ADAMTS16: variants seen among roughly 807,000 people sequenced by gnomAD.
ADAMTS16 encodes ADAM metallopeptidase with thrombospondin type 1 motif 16, also known as A disintegrin and metalloproteinase with thrombospondin motifs 16.
ADAMTS16 carries 94 observed loss-of-function variants against 145.8 expected under a neutral mutation model. That is an observed-to-expected ratio of 0.64 (90% CI 0.55 to 0.77). The LOEUF (loss-of-function observed/expected upper bound fraction) is 0.77. Ranked by LOEUF, ADAMTS16 falls within the 30% of genes least tolerant of loss-of-function variation. ADAMTS16 has a pLI of 0.00. For missense variants in ADAMTS16, 1,585 were observed against 1,591.5 expected, an observed-to-expected ratio of 1.00 and a Z score of 0.07; for synonymous variants, 659 against 604.3, an observed-to-expected ratio of 1.09 and a Z score of -1.33.
intron 14 of ADAMTS16, 81 bp from the exon 15 acceptor site, chr5:5,239,070 G>T (rs1025653398): frequency 3.2e-5 from 44 of 1,365,890 alleles, no homozygotes; most frequent in Non-Finnish European, 2.7e-5. Flanking sequence ...TGGGGAGGAG[G>T]TTTCTTGCAT....
At chr5:5,168,933 G>T (rs1356533295) in intron 3 of ADAMTS16, among the ~76,000 whole-genome samples, 2 of 151,112 alleles carry the variant, frequency 1.3e-5, no homozygotes, top group African/African-American at 2.4e-5. Context: ...CTGAGCCCCG[G>T]ATTCCTCTCA....
intron 9 of ADAMTS16, 145 bp from the exon 10 acceptor site, chr5:5,208,948 T>C (rs1736201582): frequency 1.3e-6 from 1 of 749,392 alleles, no homozygotes; most frequent in South Asian, 2.5e-5. Flanking sequence ...AAGTATTATA[T>C]TGTAACTCAG....
At chr5:5,316,481 C>T (rs1734062534) in intron 21 of ADAMTS16, among the ~76,000 whole-genome samples, 1 of 152,202 alleles carries the variant, frequency 6.6e-6, no homozygotes, top group South Asian at 2.1e-4. Flanking sequence ...TTTCAGATGA[C>T]TCAATCACAG....
intron 6 of ADAMTS16, among the ~76,000 whole-genome samples, chr5:5,188,356 T>C (rs888877252): frequency 1.3e-5 from 2 of 152,180 alleles, no homozygotes; most frequent in African/African-American, 4.8e-5. Context: ...AAAACCCAGA[T>C]TATGCTGGGT....
chr5:5,252,478 C>A (rs748739751), intron 17 of ADAMTS16, among the ~76,000 whole-genome samples: 2 of 151,978 alleles, frequency 1.3e-5, no homozygotes, highest in African/African-American at 4.8e-5. Flanking sequence ...TGAGTGTAGA[C>A]GCCTTAGTGC....
intron 20 of ADAMTS16, among the ~76,000 whole-genome samples, chr5:5,305,006 TC>T (rs1739991906): frequency 2.6e-4 from 7 of 26,902 alleles, no homozygotes; most frequent in African/African-American, 4.6e-4. Context: ...CACACACACA[TC>T]CCACACCACA....
chr5:5,208,277 A>C (rs1430722806), intron 9 of ADAMTS16, among the ~76,000 whole-genome samples: 4 of 152,130 alleles, frequency 2.6e-5, no homozygotes, highest in African/African-American at 9.7e-5. Flanking sequence ...TTGGAGGATG[A>C]TCTGCCATTG....
chr5:5,258,259 A>G (rs1737865853), intron 17 of ADAMTS16, among the ~76,000 whole-genome samples: 1 of 152,178 alleles, frequency 6.6e-6, no homozygotes, highest in Non-Finnish European at 1.5e-5. Flanking sequence ...TCCATATTCC[A>G]GAGATCACAG....
chr5:5,290,990 C>A (rs1440999627), intron 18 of ADAMTS16, among the ~76,000 whole-genome samples: 1 of 152,158 alleles, frequency 6.6e-6, no homozygotes. Context: ...ACAGTTACCA[C>A]CACTTGGGAG....
At chr5:5,194,483 G>A (rs1048101692) in intron 8 of ADAMTS16, among the ~76,000 whole-genome samples, 1 of 152,168 alleles carries the variant, frequency 6.6e-6, no homozygotes, top group Non-Finnish European at 1.5e-5. Flanking sequence ...AGACTATGTG[G>A]AATATTCAGC....
chr5:5,186,719 T>C (rs998172078), intron 5 of ADAMTS16, among the ~76,000 whole-genome samples: 19 of 152,188 alleles, frequency 1.2e-4, no homozygotes, highest in Admixed American at 1.1e-3. Context: ...TTTTAGAATA[T>C]CACCTCAGGT....
intron 10 of ADAMTS16, among the ~76,000 whole-genome samples, 173 bp downstream of exon 10, chr5:5,209,419 G>C (rs188880115): frequency 1.3e-5 from 2 of 152,130 alleles, no homozygotes; most frequent in African/African-American, 2.4e-5. Flanking sequence ...CAAAGAAGAC[G>C]ACAGGAGATA....
intron 21 of ADAMTS16, among the ~76,000 whole-genome samples, chr5:5,311,085 C>T (rs1740407802): frequency 6.6e-6 from 1 of 152,054 alleles, no homozygotes; most frequent in South Asian, 2.1e-4. Flanking sequence ...CCCTGTGCCT[C>T]GCAGCCCCTG....
At chr5:5,165,446 T>C (rs1232407385) in intron 3 of ADAMTS16, among the ~76,000 whole-genome samples, 2 of 152,176 alleles carry the variant, frequency 1.3e-5, no homozygotes, top group Admixed American at 6.5e-5. Flanking sequence ...AATATAATAA[T>C]ATGGTATAAA....
intron 3 of ADAMTS16, among the ~76,000 whole-genome samples, chr5:5,155,738 C>G (rs772916267): frequency 3.3e-5 from 5 of 151,882 alleles, no homozygotes; most frequent in African/African-American, 4.8e-5. Context: ...ATGACAGGAA[C>G]AGGAGGCAGG....
At chr5:5,209,312 G>T in intron 10 of ADAMTS16, 66 bp downstream of exon 10, 1 of 1,567,870 alleles carries the variant, frequency 6.4e-7, no homozygotes, top group Non-Finnish European at 8.7e-7. Context: ...TAGTGTAACT[G>T]ATGTTGATAT....
chr5:5,209,365 T>C (rs1320032148), intron 10 of ADAMTS16, 119 bp downstream of exon 10: 1 of 1,232,150 alleles, frequency 8.1e-7, no homozygotes, highest in Non-Finnish European at 1.1e-6. Context: ...AAATCCTGTA[T>C]GTTAAGGCTG....
At chr5:5,204,576 A>G (rs974749642) in intron 9 of ADAMTS16, among the ~76,000 whole-genome samples, 4 of 152,222 alleles carry the variant, frequency 2.6e-5, no homozygotes, top group African/African-American at 9.6e-5. Flanking sequence ...CAGTTATGAG[A>G]TTCATCCTTG....
At chr5:5,219,029 G>A (rs1040198417) in intron 10 of ADAMTS16, among the ~76,000 whole-genome samples, 3 of 152,120 alleles carry the variant, frequency 2.0e-5, no homozygotes, top group African/African-American at 7.2e-5. Flanking sequence ...CTTGGAAAAT[G>A]CGACATTTGG....
Sources: allele counts gnomAD v4.1 joint callset (sites outside exome capture counted in the v4.1 genomes callset), GRCh38; gene constraint gnomAD v4.1.1; transcripts MANE v1.5; gene names NCBI Gene and HGNC (gene_info 2026-07-23, HGNC 2026-07-21).